Variants in PSAPL1 observed in about 807,000 individuals in gnomAD.
The protein encoded by PSAPL1 is proactivator polypeptide-like 1.
For synonymous variants in PSAPL1, 351 were observed against 291.6 expected, an observed-to-expected ratio of 1.20 and a Z score of -2.08; for missense variants, 814 against 688.8, an observed-to-expected ratio of 1.18 and a Z score of -2.03.
At position 7,430,495 on chromosome 4, in the gene PSAPL1, A is replaced by G. The variant is rs4302467; in HGVS notation, c.*2819T>C. 130,495 of 152,266 alleles carry G rather than the reference A, an allele frequency of 0.86. 56,073 individuals carry two copies. Among genetic ancestry groups the G allele is most frequent in the East Asian group, 0.94 (4,845 of 5,164 alleles). 9.4% of individuals were successfully genotyped at this position (152,266 alleles called of 1,614,324 possible). ...CGAGAAAGCCCGAGGGGCAGCATCCATAGGTGTTCTGGGACGTCCCAGGCC... is the reference window on the plus strand; with the variant it reads ...CGAGAAAGCCCGAGGGGCAGCATCCGTAGGTGTTCTGGGACGTCCCAGGCC... On this transcript the variant is annotated 3_prime_UTR_variant, in exon 1 of 1. Coordinates refer to ENST00000319098, the MANE Select transcript of PSAPL1 (RefSeq NM_001085382.2).
rs769554287 is a variant in PSAPL1 at position 7,434,049 on chromosome 4, C to T, written c.831G>A (p.Leu277=). The T allele has an allele frequency of 6.2e-7, 1 of 1,611,252 alleles. No individual in the cohort carries two copies. Among genetic ancestry groups the T allele is most frequent in the Non-Finnish European group, 8.5e-7 (1 of 1,177,892 alleles). ...TCTCGCTCTGTTTCCTTGGCAACCC[C>T]AGCTCCAGGGAGGGGACCCCGTCCA... is the stretch of plus-strand genomic sequence containing the variant. The part of the protein sequence containing the change: ...VAMDGVPSLE[L]GLPRKQSEMQ... Residue 277 remains leucine, a synonymous_variant, in exon 1 of 1, where the codon CTG becomes CTA. Transcript: ENST00000319098.
rs886499639 is a variant in PSAPL1, at chr4:7,432,068, G to C, written c.*1246C>G. 6.6e-6 allele frequency: 1 copy of C among 152,430 alleles called. No individual in the cohort carries two copies. The highest frequency in any genetic ancestry group is 1.5e-5 in the Non-Finnish European group (1 of 68,254). The allele number at this position is 152,430 out of a possible 1,614,324, so 9.4% of individuals were successfully genotyped here. On this transcript the variant is annotated 3_prime_UTR_variant, in exon 1 of 1. Transcript: ENST00000319098. ...CAGGGGCTCTCCTGGAGGGGGCACAGTGTCTTAGGGGGGCCAAACAGCAGG... is the reference window on the plus strand; with the variant it reads ...CAGGGGCTCTCCTGGAGGGGGCACACTGTCTTAGGGGGGCCAAACAGCAGG...
At position 7,434,748 on chromosome 4, in the gene PSAPL1, C is replaced by T; in HGVS notation, c.132G>A (p.Gly44=). ...CQDLQTAARC[G]AVGYCQGAVW... ...CGGCCCCTTGGCAGTACCCCACAGC[C>T]CCGCACCTGGCAGCTGTCTGCAGAT... The change falls in exon 1 of 1, where the codon GGG becomes GGA. Residue 44 remains glycine, a synonymous_variant. Coordinates refer to ENST00000319098, the MANE Select transcript of PSAPL1 (RefSeq NM_001085382.2). 1 of 1,613,188 alleles carries T rather than the reference C, an allele frequency of 6.2e-7. No homozygotes were observed. The highest frequency in any genetic ancestry group is 8.5e-7 in the Non-Finnish European group (1 of 1,179,658).
At position 7,433,463 on chromosome 4, in the gene PSAPL1, T is replaced by C; in HGVS notation, c.1417A>G (p.Arg473Gly). 3 of 1,567,194 alleles carry C rather than the reference T, an allele frequency of 1.9e-6. No homozygotes were observed. The South Asian group carries it at 3.7e-5, about 19-fold the overall frequency. ...CKKVGACHGP[R>G]TPLLGTDQCA... ...TGGTCGGTGCCCAGCAGTGGGGTCC[T>C]GGGGCCGTGGCAGGCCCCCACCTTC... Residue 473 changes from arginine to glycine, a missense_variant, in exon 1 of 1, where the codon AGG becomes GGG. Transcript: ENST00000319098.
rs944838296 is a variant in PSAPL1, at chr4:7,432,406, G to C, written c.*908C>G. 1 of 152,122 alleles carries C rather than the reference G, an allele frequency of 6.6e-6. No individual in the cohort carries two copies. The highest frequency in any genetic ancestry group is 2.4e-5 in the African/African-American group (1 of 41,410). The allele number at this position is 152,122 out of a possible 1,614,324, so 9.4% of individuals were successfully genotyped here. ...GGGCTCCAGAACGTCTCTGTGAATT[G>C]TCTCAACATTCTTGTGAGGCAGGTA... On this transcript the variant is annotated 3_prime_UTR_variant, in exon 1 of 1. Coordinates refer to ENST00000319098, the MANE Select transcript of PSAPL1 (RefSeq NM_001085382.2).
chr4:7,433,573 A>C lies in PSAPL1; in HGVS notation c.1307T>G (p.Ile436Ser). 6.2e-7 allele frequency: 1 copy of C among 1,611,836 alleles called. No individual in the cohort carries two copies. Among genetic ancestry groups the C allele is most frequent in the South Asian group, 1.1e-5 (1 of 90,748 alleles). ...CTGGGTGACGAAGTGCTTGCACTGG[A>C]TCATATAGGGCAGCGGCAGGATGCT... ...GCSILPLPYM[I>S]QCKHFVTQYE... Residue 436 changes from isoleucine to serine, a missense_variant, in exon 1 of 1, where the codon ATC becomes AGC. Coordinates refer to ENST00000319098, the MANE Select transcript of PSAPL1 (RefSeq NM_001085382.2).
chr4:7,433,927 G>A lies in PSAPL1; in HGVS notation c.953C>T (p.Thr318Ile), dbSNP rs757260947. ...LMSNSSELMITHALERVCSVM... is the reference protein window; with the variant it reads ...LMSNSSELMIIHALERVCSVM... Reference sequence around the variant, plus strand: ...CGAGCACACGCGCTCCAGGGCATGGGTGATCATGAGCTCAGAGCTGTTGGA... The same window carrying A: ...CGAGCACACGCGCTCCAGGGCATGGATGATCATGAGCTCAGAGCTGTTGGA... Residue 318 changes from threonine to isoleucine, a missense_variant, in exon 1 of 1, where the codon ACC (threonine) becomes ATC (isoleucine). By Grantham distance (89) the Thr-to-Ile change is moderately conservative. Transcript: ENST00000319098. 3 of 1,613,702 alleles carry A rather than the reference G, an allele frequency of 1.9e-6. No individual in the cohort carries two copies. Among genetic ancestry groups the A allele is most frequent in the Non-Finnish European group, 2.5e-6 (3 of 1,179,892 alleles).
Position 7,433,140 on chromosome 4 carries a change from A to G in PSAPL1, c.*174T>C, listed in dbSNP as rs1188171154. On this transcript the variant is annotated 3_prime_UTR_variant, in exon 1 of 1. Transcript: ENST00000319098. ...GCTTTCAAGGGCAAAGCTGTGCGGC[A>G]CCGTTGTTAAGAGAGAGGCTTTCGG... The G allele has an allele frequency of 1.7e-6, 1 of 586,172 alleles. No homozygotes were observed. Among genetic ancestry groups the G allele is most frequent in the East Asian group, 3.3e-5 (1 of 30,034 alleles). 36.3% of individuals were successfully genotyped at this position (586,172 alleles called of 1,614,324 possible).
Position 7,430,363 on chromosome 4 carries a change from AAAAC to A in PSAPL1, c.*2947_*2950del, listed in dbSNP as rs142492697. The stretch of plus-strand genomic sequence containing the variant: ...TCACTTCTAAGAAAAGCCCCAAGCC[AAAAC>A]AAACAAACAAACAAACAAACAAAAC... On this transcript the variant is annotated 3_prime_UTR_variant, in exon 1 of 1. Transcript: ENST00000319098. 92,052 of 151,426 alleles carry A rather than the reference AAAAC, an allele frequency of 0.61. 28,156 individuals carry two copies. Among genetic ancestry groups the A allele is most frequent in the Admixed American group, 0.66 (10,108 of 15,254 alleles). 9.4% of individuals were successfully genotyped at this position (151,426 alleles called of 1,614,324 possible).
Position 7,434,506 on chromosome 4 carries a change from G to A in PSAPL1, c.374C>T (p.Ala125Val). The A allele has an allele frequency of 1.2e-6, 2 of 1,612,516 alleles. No homozygotes were observed. The highest frequency in any genetic ancestry group is 1.7e-6 in the Non-Finnish European group (2 of 1,179,800). ...SSAILSMLRG[A>V]PDSAPAQVCT... Reference sequence around the variant, plus strand: ...CACCTGTGCCGGGGCACTGTCCGGGGCCCCACGGAGCATGCTCAGGATGGC... The same window carrying A: ...CACCTGTGCCGGGGCACTGTCCGGGACCCCACGGAGCATGCTCAGGATGGC... The change falls in exon 1 of 1, where the codon GCC (alanine) becomes GTC (valine). Residue 125 changes from alanine to valine, a missense_variant. Transcript: ENST00000319098.
Position 7,434,420 on chromosome 4 carries a change from A to C in PSAPL1, c.460T>G (p.Ser154Ala). 1 of 1,608,858 alleles carries C rather than the reference A, an allele frequency of 6.2e-7. No homozygotes were observed. The highest frequency in any genetic ancestry group is 8.5e-7 in the Non-Finnish European group (1 of 1,178,366). Residue 154 changes from serine to alanine, a missense_variant, in exon 1 of 1, where the codon TCC becomes GCC. Physicochemically the swap from Ser to Ala is moderately conservative, Grantham distance 99 (BLOSUM62 1). Transcript: ENST00000319098. ...QRHLATLRPL[S>A]KEDTFEAVAP... ...ACAGCCTCAAAGGTGTCCTCTTTGG[A>C]GAGTGGCCTCAGGGTGGCCAGGTGC...
Position 7,434,608 on chromosome 4 carries a change from A to G in PSAPL1, c.272T>C (p.Val91Ala). The change falls in exon 1 of 1, where the codon GTG (valine) becomes GCG (alanine). Residue 91 changes from valine (V) to alanine (A), a missense_variant. By Grantham distance (64) the Val-to-Ala change is moderately conservative (BLOSUM62 0). Transcript: ENST00000319098. ...DATESDILAL[V>A]MKTCEWLPSQ... ...GGGGAGCCACTCACAGGTCTTCATC[A>G]CCAAAGCCAGGATGTCAGACTCCGT... 2 of 1,613,370 alleles carry G rather than the reference A, an allele frequency of 1.2e-6. No homozygotes were observed. The highest frequency in any genetic ancestry group is 4.5e-5 in the East Asian group (2 of 44,858).
Position 7,433,069 on chromosome 4 carries a change from G to T in PSAPL1, c.*245C>A. On this transcript the variant is annotated 3_prime_UTR_variant, in exon 1 of 1. Transcript: ENST00000319098. ...TGGAGATGAGAGGGCAGCCTTGGCT[G>T]GGTCAGGGAGCGGGGCACATGAGTG... 5.7e-6 allele frequency: 2 copies of T among 351,986 alleles called. No individual in the cohort carries two copies. Among genetic ancestry groups the T allele is most frequent in the Non-Finnish European group, 1.0e-5 (2 of 198,582 alleles). The allele number at this position is 351,986 out of a possible 1,614,324, so 21.8% of individuals were successfully genotyped here.
In PSAPL1 at chr4:7,433,736, C is replaced by T. The variant is rs774618146; in HGVS notation, c.1144G>A (p.Val382Met). Reference sequence around the variant, plus strand: ...TCCGCGTCCCACTCTGGGGACGGCACGATGGCATAGGCATCATGGACTGCC... The same window carrying T: ...TCCGCGTCCCACTCTGGGGACGGCATGATGGCATAGGCATCATGGACTGCC... ...ARAVHDAYAIVPSPEWDAENQ... is the reference protein window; with the variant it reads ...ARAVHDAYAIMPSPEWDAENQ... The change falls in exon 1 of 1, where the codon GTG becomes ATG. Residue 382 changes from valine to methionine, a missense_variant. Physicochemically the swap from Val to Met is conservative, Grantham distance 21. Coordinates refer to ENST00000319098, the MANE Select transcript of PSAPL1 (RefSeq NM_001085382.2). The T allele has an allele frequency of 5.6e-6, 9 of 1,613,160 alleles. No homozygotes were observed. The highest frequency in any genetic ancestry group is 2.2e-5 in the East Asian group (1 of 44,876).
In PSAPL1 at chr4:7,433,977, C is replaced by T. The variant is rs1339923791; in HGVS notation, c.903G>A (p.Val301=). ...GVTCEVCMNV[V]QKLDHWLMSN... is the part of the protein sequence containing the mutation. ...ACATGAGCCAGTGGTCCAGCTTCTG[C>T]ACCACGTTCATGCACACCTCACAGG... is the stretch of plus-strand genomic sequence containing the variant. The change falls in exon 1 of 1, where the codon GTG becomes GTA. Residue 301 remains valine (V), a synonymous_variant. Transcript: ENST00000319098. 9 of 1,613,814 alleles carry T rather than the reference C, an allele frequency of 5.6e-6. No individual in the cohort carries two copies. Among genetic ancestry groups the T allele is most frequent in the Non-Finnish European group, 7.6e-6 (9 of 1,179,860 alleles).
rs1275032788 is a variant in PSAPL1, at chr4:7,434,670, T to C, written c.210A>G (p.Ile70Met). 4 of 1,612,728 alleles carry C rather than the reference T, an allele frequency of 2.5e-6. No individual in the cohort carries two copies. Among genetic ancestry groups the C allele is most frequent in the Non-Finnish European group, 3.4e-6 (4 of 1,179,568 alleles). Reference sequence around the variant, plus strand: ...TCAGCCCATTGCCAGCGGCGGCTGCTATGTCCTGGCATACGTCGCAGGGCA... The same window carrying C: ...TCAGCCCATTGCCAGCGGCGGCTGCCATGTCCTGGCATACGTCGCAGGGCA... Reference protein sequence around the residue: ...KSLPCDVCQDIAAAAGNGLNP... With the variant: ...KSLPCDVCQDMAAAAGNGLNP... Residue 70 changes from isoleucine to methionine, a missense_variant, in exon 1 of 1, where the codon ATA (isoleucine) becomes ATG (methionine). Physicochemically the swap from Ile to Met is conservative, Grantham distance 10. Transcript: ENST00000319098.
In PSAPL1 at chr4:7,433,948, T is replaced by C. The variant is rs377389407; in HGVS notation, c.932A>G (p.Asn311Ser). The C allele has an allele frequency of 3.1e-6, 5 of 1,613,870 alleles. No homozygotes were observed. The highest frequency in any genetic ancestry group is 1.1e-5 in the South Asian group (1 of 91,074). ...VQKLDHWLMS[N>S]SSELMITHAL... is the part of the protein sequence containing the mutation. ...ATGGGTGATCATGAGCTCAGAGCTG[T>C]TGGACATGAGCCAGTGGTCCAGCTT... The change falls in exon 1 of 1, where the codon AAC becomes AGC. Residue 311 changes from asparagine to serine, a missense_variant. Transcript: ENST00000319098.
chr4:7,433,237 C>G lies in PSAPL1; in HGVS notation c.*77G>C. ...CTCCCTCCTCAGAGCTTCAGTTTTT[C>G]ATTTGTGAAATGGGGATGGGGAAAG... On this transcript the variant is annotated 3_prime_UTR_variant, in exon 1 of 1. Transcript: ENST00000319098. The G allele has an allele frequency of 7.6e-7, 1 of 1,312,442 alleles. No individual in the cohort carries two copies. Among genetic ancestry groups the G allele is most frequent in the Non-Finnish European group, 9.7e-7 (1 of 1,028,920 alleles). The allele number at this position is 1,312,442 out of a possible 1,614,324, so 81.3% of individuals were successfully genotyped here.
chr4:7,433,449 C>T lies in PSAPL1; in HGVS notation c.1431G>A (p.Leu477=), dbSNP rs748605255. Residue 477 remains leucine (L), a synonymous_variant, in exon 1 of 1, where the codon CTG becomes CTA. Transcript: ENST00000319098. ...GGCCCAGGGCACACTGGTCGGTGCCCAGCAGTGGGGTCCTGGGGCCGTGGC... is the reference window on the plus strand; with the variant it reads ...GGCCCAGGGCACACTGGTCGGTGCCTAGCAGTGGGGTCCTGGGGCCGTGGC... ...GACHGPRTPL[L]GTDQCALGPS... is the part of the protein sequence containing the mutation. 4 of 1,549,450 alleles carry T rather than the reference C, an allele frequency of 2.6e-6. No individual in the cohort carries two copies. Among genetic ancestry groups the T allele is most frequent in the Non-Finnish European group, 2.6e-6 (3 of 1,149,950 alleles).
Sources: allele counts gnomAD v4.1 joint callset, GRCh38; gene constraint gnomAD v4.1.1; transcripts MANE v1.5; gene names NCBI Gene and HGNC (gene_info 2026-07-23, HGNC 2026-07-21).